Variants in HIKESHI observed in about 807,000 individuals in gnomAD.
The protein encoded by HIKESHI is heat shock protein nuclear import factor hikeshi.
In HIKESHI, 13 loss-of-function variants were observed where a neutral mutation model predicts 25.7. The observed-to-expected ratio is 0.51, with a 90% CI of 0.33 to 0.80. HIKESHI has a LOEUF of 0.80. Ranked by LOEUF, HIKESHI falls within the 30% of genes least tolerant of loss-of-function variation. HIKESHI has a pLI of 0.02. For missense variants in HIKESHI, 174 were observed against 229.5 expected, an observed-to-expected ratio of 0.76 and a Z score of 1.56; for synonymous variants, 76 against 78.7, an observed-to-expected ratio of 0.97 and a Z score of 0.18.
chr11:86,337,584 T>A, intron 3 of HIKESHI, 54 bp downstream of exon 3: 1 of 1,517,894 alleles, frequency 6.6e-7, no homozygotes, highest in South Asian at 1.2e-5. Context: ...TTTATTAAGG[T>A]ATAATATACA....
intron 1 of HIKESHI, 142 bp downstream of exon 1, chr11:86,302,620 G>A (rs1328943988): frequency 5.8e-6 from 5 of 865,008 alleles, no homozygotes; most frequent in Non-Finnish European, 8.9e-6. Context: ...TGGAGCGTGG[G>A]AAGCTGGGTG....
chr11:86,314,268 A>G (rs1046254676), intron 2 of HIKESHI, among the ~76,000 whole-genome samples: 3 of 151,942 alleles, frequency 2.0e-5, no homozygotes, highest in Admixed American at 6.6e-5. Context: ...GGACAGTTCT[A>G]CCTCCTCACA....
At chr11:86,318,429 A>G (rs1041897546) in intron 2 of HIKESHI, among the ~76,000 whole-genome samples, 1 of 151,742 alleles carries the variant, frequency 6.6e-6, no homozygotes. Flanking sequence ...ACAAAGTTCT[A>G]CTATACCTTT....
chr11:86,308,509 C>T (rs1299133173), intron 2 of HIKESHI, among the ~76,000 whole-genome samples: 2 of 147,626 alleles, frequency 1.4e-5, no homozygotes, highest in Admixed American at 1.4e-4. Flanking sequence ...TTTGATCACC[C>T]TGCCAATGTT....
intron 2 of HIKESHI, among the ~76,000 whole-genome samples, chr11:86,331,689 T>C (rs1040854992): frequency 6.6e-6 from 1 of 152,178 alleles, no homozygotes; most frequent in Non-Finnish European, 1.5e-5. Flanking sequence ...CATACTATGG[T>C]ATCAGATAAA....
intron 2 of HIKESHI, among the ~76,000 whole-genome samples, chr11:86,334,846 C>T (rs753309743): frequency 6.6e-6 from 1 of 152,180 alleles, no homozygotes; most frequent in Admixed American, 6.6e-5. Flanking sequence ...CCCCATGTTG[C>T]CCAGGCTGGT....
At position 86,316,771 on chromosome 11, in the gene HIKESHI, C is replaced by CTTTTTTTTTTTTTTTTTTTTTTTTT. The variant is rs71040229; in HGVS notation, c.268+10305_268+10329dup. Among the ~76,000 whole-genome samples the CTTTTTTTTTTTTTTTTTTTTTTTTT allele has an allele frequency of 1.0e-4, 7 of 68,778 alleles. 1 individual carries two copies. The highest frequency in any genetic ancestry group is 1.6e-4 in the Non-Finnish European group (6 of 37,484). 45.1% of individuals were successfully genotyped at this position (68,778 alleles called of 152,430 possible). On this transcript the variant is annotated intron_variant, in intron 2 of 4. Coordinates refer to ENST00000278483, the MANE Select transcript of HIKESHI (RefSeq NM_016401.4). Reference sequence around the variant, plus strand: ...TTATGAGTAATGAATCTGAAACATTCTTTTTTTTTTTTTTTTTTTTTTTTT... The same window carrying CTTTTTTTTTTTTTTTTTTTTTTTTT: ...TTATGAGTAATGAATCTGAAACATTCTTTTTTTTTTTTTTTTTTTTTTTTTTTTTTTTTTTTTTTTTTTTTTTTTT...
At chr11:86,335,497 C>A (rs1396877667) in intron 2 of HIKESHI, among the ~76,000 whole-genome samples, 2 of 152,084 alleles carry the variant, frequency 1.3e-5, no homozygotes, top group Non-Finnish European at 2.9e-5. Flanking sequence ...CCGCGAAGAC[C>A]CAGAGCTCTC....
At chr11:86,328,948 G>A (rs920351245) in intron 2 of HIKESHI, among the ~76,000 whole-genome samples, 1 of 150,306 alleles carries the variant, frequency 6.7e-6, no homozygotes, top group East Asian at 2.0e-4. Context: ...ACACACACAC[G>A]CTCCTCACAT....
intron 3 of HIKESHI, among the ~76,000 whole-genome samples, chr11:86,339,357 C>G (rs1189632347): frequency 6.6e-6 from 1 of 152,210 alleles, no homozygotes; most frequent in African/African-American, 2.4e-5. Context: ...CTGTACCAGG[C>G]ATTTCTAAGC....
chr11:86,333,557 CAAAA>C (rs111979847), intron 2 of HIKESHI, among the ~76,000 whole-genome samples: 1 of 144,602 alleles, frequency 6.9e-6, no homozygotes, highest in Non-Finnish European at 1.5e-5. Context: ...AACAAACAAA[CAAAA>C]AAAAAAAAGA....
At chr11:86,316,771 CTTTTTTTTTTTTTTTTTTTTTTTTTTTTT>C (rs71040229) in intron 2 of HIKESHI, among the ~76,000 whole-genome samples, 1 of 68,778 alleles carries the variant, frequency 1.5e-5, no homozygotes, top group East Asian at 4.4e-4. Flanking sequence ...CTGAAACATT[CTTTTTTTTTTTTTTTTTTTTTTTTTTTTT>C]TTTTTTTTTT....
At chr11:86,323,635 C>G (rs1947203645) in intron 2 of HIKESHI, among the ~76,000 whole-genome samples, 1 of 152,186 alleles carries the variant, frequency 6.6e-6, no homozygotes. Context: ...TGGTTATTCC[C>G]TACAGGAGAT....
At chr11:86,326,920 C>T (rs1036074568) in intron 2 of HIKESHI, among the ~76,000 whole-genome samples, 5 of 152,020 alleles carry the variant, frequency 3.3e-5, no homozygotes, top group Non-Finnish European at 5.9e-5. Flanking sequence ...AGTGTTTGAG[C>T]AAGATCTTAA....
intron 2 of HIKESHI, chr11:86,324,099 A>G (rs1169684240): frequency 6.6e-6 from 1 of 152,096 alleles, no homozygotes; most frequent in Non-Finnish European, 1.5e-5. Flanking sequence ...TGAAGTTTTG[A>G]ACCTGCTCCA....
intron 2 of HIKESHI, among the ~76,000 whole-genome samples, chr11:86,309,672 T>C (rs1319261727): frequency 6.6e-6 from 1 of 152,200 alleles, no homozygotes; most frequent in African/African-American, 2.4e-5. Context: ...TGGTATTGCA[T>C]AGGTTTTCTT....
chr11:86,319,238 A>T (rs1293430638), intron 2 of HIKESHI, among the ~76,000 whole-genome samples: 3,962 of 82,612 alleles, frequency 0.048, 86 homozygotes, highest in Middle Eastern at 0.1. Flanking sequence ...ATATATATAT[A>T]TATATTTTTT....
chr11:86,336,907 C>A (rs944893812), intron 2 of HIKESHI, among the ~76,000 whole-genome samples: 2 of 150,236 alleles, frequency 1.3e-5, no homozygotes, highest in African/African-American at 4.9e-5. Context: ...GTCTTCTAGA[C>A]GGTAGTGGAT....
Position 86,345,609 on chromosome 11 carries a change from G to A in HIKESHI, c.565G>A (p.Ala189Thr). ...KWYENFQRRL[A>T]QNPLFWKT ...GTATGAAAACTTTCAAAGACGACTA[G>A]CACAGAACCCTCTCTTTTGGAAAAC... The change falls in exon 5 of 5, where the codon GCA becomes ACA. Residue 189 changes from alanine (A) to threonine (T), a missense_variant. Coordinates refer to ENST00000278483, the MANE Select transcript of HIKESHI (RefSeq NM_016401.4). 1 of 1,552,934 alleles carries A rather than the reference G, an allele frequency of 6.4e-7. No homozygotes were observed. Among genetic ancestry groups the A allele is most frequent in the African/African-American group, 1.4e-5 (1 of 72,768 alleles).
Sources: gnomAD v4.1 joint callset for allele counts (sites outside exome capture counted in the v4.1 genomes callset) on GRCh38, gnomAD v4.1.1 for gene constraint, MANE v1.5 for transcripts, NCBI Gene and HGNC (gene_info 2026-07-23, HGNC 2026-07-21) for gene names.